The following MXI1 variants were observed in gnomAD, a reference collection of about 807,000 sequenced individuals.
MXI1 encodes MAX interactor 1, dimerization protein.
In MXI1, 18 loss-of-function variants were observed where a neutral mutation model predicts 36.9. The ratio of observed to expected loss-of-function variants is 0.49; its 90% CI spans 0.34 to 0.72. MXI1 has a LOEUF of 0.72. Ranked by LOEUF, MXI1 falls within the 30% of genes least tolerant of loss-of-function variation. MXI1 has a pLI of 0.01. For missense variants in MXI1, 304 were observed against 379.1 expected, an observed-to-expected ratio of 0.80 and a Z score of 1.64; for synonymous variants, 160 against 146.7, an observed-to-expected ratio of 1.09 and a Z score of -0.65.
intron 1 of MXI1, among the ~76,000 whole-genome samples, chr10:110,216,665 G>GTTTTTTTTTTTTTTTTTATTTTTTTTT (rs1854647079): frequency 1.3e-5 from 1 of 79,060 alleles, no homozygotes; most frequent in African/African-American, 8.0e-5. Flanking sequence ...TGTGTTTAAT[G>GTTTTTTTTTTTTTTTTTATTTTTTTTT]TTTTTTTTTT....
chr10:110,251,010 TAAAAA>T lies in MXI1; in HGVS notation c.437+6175_437+6179del, dbSNP rs60315131. ...CAAGGAGAAGTGACTAAGTATTTGT[TAAAAA>T]AAAAAAAAAAAAAAAAAAAAAGAGA... On this transcript the variant is annotated intron_variant, in intron 3 of 5. Transcript: ENST00000332674. Among the ~76,000 whole-genome samples, 33 of 54,974 alleles carry T rather than the reference TAAAAA, an allele frequency of 6.0e-4. 1 individual carries two copies. The highest frequency in any genetic ancestry group is 2.7e-3 in the African/African-American group (27 of 10,034). 36.1% of individuals were successfully genotyped at this position (54,974 alleles called of 152,430 possible). A position where few individuals can be genotyped will look rare whatever the true frequency, so the allele number is the denominator to read the frequency against.
intron 3 of MXI1, among the ~76,000 whole-genome samples, chr10:110,247,374 GA>G (rs1855910115): frequency 6.6e-6 from 1 of 152,184 alleles, no homozygotes; most frequent in Non-Finnish European, 1.5e-5. Flanking sequence ...TTGCTGTGCA[GA>G]AGCCCTTTAG....
intron 3 of MXI1, among the ~76,000 whole-genome samples, chr10:110,271,994 C>T (rs756945862): frequency 2.0e-5 from 3 of 152,104 alleles, no homozygotes; most frequent in Non-Finnish European, 2.9e-5. Flanking sequence ...CCTTCTTTTT[C>T]CCTCTCCAAA....
At chr10:110,241,498 CTTGT>C (rs577261803) in intron 2 of MXI1, among the ~76,000 whole-genome samples, 299 of 152,034 alleles carry the variant, frequency 2.0e-3, no homozygotes, top group African/African-American at 7.1e-3. Context: ...CATTTAATTA[CTTGT>C]TTATCGCCTG....
At chr10:110,254,837 A>G (rs953154056) in intron 3 of MXI1, among the ~76,000 whole-genome samples, 1 of 152,318 alleles carries the variant, frequency 6.6e-6, no homozygotes, top group African/African-American at 2.4e-5. Context: ...AAGCTAGCAG[A>G]GTTTGGTTCA....
At chr10:110,208,378 C>G (rs987395182) in intron 1 of MXI1, 1 of 232,996 alleles carries the variant, frequency 4.3e-6, no homozygotes, top group Non-Finnish European at 8.4e-6. Context: ...TGTTTGCTGA[C>G]AACTGAGCCG....
At chr10:110,214,380 C>A (rs1378696116) in intron 1 of MXI1, among the ~76,000 whole-genome samples, 2 of 152,026 alleles carry the variant, frequency 1.3e-5, no homozygotes, top group African/African-American at 4.8e-5. Context: ...ACTCTCCTGG[C>A]CTTAACTCAA....
chr10:110,266,494 G>A lies in MXI1; in HGVS notation c.438-12686G>A, dbSNP rs142532861. ...CTCTTTTTGTGGTGGCAATGTTGGT[G>A]AATGCCCAAATGTCTTGTGAAAACA... On this transcript the variant is annotated intron_variant, in intron 3 of 5. Coordinates refer to ENST00000332674, the MANE Select transcript of MXI1 (RefSeq NM_130439.3). Among the ~76,000 whole-genome samples the A allele has an allele frequency of 5.1e-3, 781 of 152,210 alleles. 4 individuals are homozygous for A. Among genetic ancestry groups the A allele is most frequent in the South Asian group, 0.014 (66 of 4,814 alleles).
At chr10:110,216,329 T>A (rs1854634640) in intron 1 of MXI1, among the ~76,000 whole-genome samples, 1 of 152,240 alleles carries the variant, frequency 6.6e-6, no homozygotes, top group Non-Finnish European at 1.5e-5. Flanking sequence ...TTGTGTTTAT[T>A]CATTCATTAA....
intron 3 of MXI1, among the ~76,000 whole-genome samples, chr10:110,278,224 G>A (rs1250681068): frequency 6.6e-6 from 1 of 152,188 alleles, no homozygotes; most frequent in East Asian, 1.9e-4. Context: ...TCATCACCAT[G>A]ATCATAGTTC....
At chr10:110,210,007 G>C (rs1197182701) in intron 1 of MXI1, among the ~76,000 whole-genome samples, 1 of 112,272 alleles carries the variant, frequency 8.9e-6, no homozygotes, top group Non-Finnish European at 1.7e-5. Flanking sequence ...CTTCGCACCC[G>C]CAGACAATCG....
chr10:110,254,738 T>C (rs979975988), intron 3 of MXI1, among the ~76,000 whole-genome samples: 1 of 152,180 alleles, frequency 6.6e-6, no homozygotes, highest in African/African-American at 2.4e-5. Context: ...GAACATTCTC[T>C]TAAGCCAAAG....
intron 2 of MXI1, 116 bp from the exon 3 acceptor site, chr10:110,244,712 C>T (rs1855796059): frequency 2.7e-6 from 2 of 729,390 alleles, no homozygotes; most frequent in Non-Finnish European, 4.5e-6. Context: ...GAAGTCTGAC[C>T]ATGTGTTGCA....
At chr10:110,235,836 C>T (rs185314996) in intron 2 of MXI1, among the ~76,000 whole-genome samples, 172 of 151,352 alleles carry the variant, frequency 1.1e-3, no homozygotes, top group Admixed American at 2.5e-3. Flanking sequence ...TGGTGAAGCC[C>T]GTCTCTACTA....
chr10:110,234,829 G>T (rs1021910650), intron 2 of MXI1, among the ~76,000 whole-genome samples: 1 of 152,038 alleles, frequency 6.6e-6, no homozygotes, highest in Non-Finnish European at 1.5e-5. Flanking sequence ...AAAATTCTCT[G>T]TAGTTTCTAG....
At chr10:110,244,101 A>C (rs1461574538) in intron 2 of MXI1, among the ~76,000 whole-genome samples, 1 of 152,142 alleles carries the variant, frequency 6.6e-6, no homozygotes, top group East Asian at 1.9e-4. Flanking sequence ...TTAACTGCTT[A>C]TCCCACTGTT....
chr10:110,210,269 C>G, intron 1 of MXI1: 2 of 985,232 alleles, frequency 2.0e-6, no homozygotes, highest in Non-Finnish European at 2.4e-6. Context: ...CTGCCAGCCC[C>G]CGAGAGGGGT....
intron 3 of MXI1, among the ~76,000 whole-genome samples, chr10:110,275,832 A>C (rs1446837569): frequency 6.6e-6 from 1 of 152,196 alleles, no homozygotes; most frequent in Non-Finnish European, 1.5e-5. Flanking sequence ...CCGATTTTGG[A>C]GGACTGTATT....
chr10:110,250,316 TC>T (rs1212887862), intron 3 of MXI1, among the ~76,000 whole-genome samples: 3 of 152,054 alleles, frequency 2.0e-5, no homozygotes, highest in Non-Finnish European at 4.4e-5. Flanking sequence ...GCAAAATACT[TC>T]AGTTGTTCTG....
Sources: gnomAD v4.1 joint callset for allele counts (sites outside exome capture counted in the v4.1 genomes callset) on GRCh38, gnomAD v4.1.1 for gene constraint, MANE v1.5 for transcripts, NCBI Gene and HGNC (gene_info 2026-07-23, HGNC 2026-07-21) for gene names.